Variants in PKNOX2 observed in about 807,000 individuals in gnomAD.
The protein encoded by PKNOX2 is PBX/knotted 1 homeobox 2.
Under a neutral mutation model 53.1 loss-of-function variants are expected in PKNOX2, and 14 were observed. The ratio of observed to expected loss-of-function variants is 0.26; its 90% CI spans 0.17 to 0.41. The LOEUF is 0.41. Ranked by LOEUF, PKNOX2 falls within the 10% of genes least tolerant of loss-of-function variation. PKNOX2 has a pLI of 1.00. For synonymous variants in PKNOX2, 257 were observed against 242.8 expected (o/e 1.06, Z -0.54); for missense variants, 496 against 602.8 (o/e 0.82, Z 1.85).
intron 1 of PKNOX2, among the ~76,000 whole-genome samples, chr11:125,228,030 C>T (rs902647358): frequency 2.0e-5 from 3 of 148,884 alleles, no homozygotes; most frequent in African/African-American, 4.8e-5. Flanking sequence ...CCAGCTCAGC[C>T]GTGTATCAGT....
chr11:125,307,866 C>T (rs1372617996), intron 2 of PKNOX2, among the ~76,000 whole-genome samples: 1 of 152,180 alleles, frequency 6.6e-6, no homozygotes, highest in Non-Finnish European at 1.5e-5. Context: ...CACATCAGCA[C>T]AAATGCAACT....
intron 2 of PKNOX2, among the ~76,000 whole-genome samples, chr11:125,254,761 C>A (rs947865097): frequency 2.6e-5 from 4 of 152,130 alleles, no homozygotes; most frequent in African/African-American, 9.7e-5. Flanking sequence ...CAGAGCTGAG[C>A]CCTGTTCCCA....
At chr11:125,243,568 C>G (rs1313369342) in intron 2 of PKNOX2, among the ~76,000 whole-genome samples, 1 of 152,092 alleles carries the variant, frequency 6.6e-6, no homozygotes, top group Non-Finnish European at 1.5e-5. Context: ...TCCAGGCACC[C>G]AGGTTACCAA....
At chr11:125,382,991 C>T (rs1953355958) in intron 5 of PKNOX2, among the ~76,000 whole-genome samples, 2 of 152,154 alleles carry the variant, frequency 1.3e-5, no homozygotes, top group South Asian at 4.1e-4. Context: ...GCAGTTTAGG[C>T]ATCGGCTTCC....
chr11:125,175,120 C>A (rs1339219239), intron 1 of PKNOX2, among the ~76,000 whole-genome samples: 1 of 152,134 alleles, frequency 6.6e-6, no homozygotes, highest in African/African-American at 2.4e-5. Context: ...CTCCTGCTGA[C>A]TTCTAGATTG....
chr11:125,228,346 T>C (rs1941898728), intron 1 of PKNOX2, among the ~76,000 whole-genome samples: 1 of 152,220 alleles, frequency 6.6e-6, no homozygotes, highest in Admixed American at 6.5e-5. Context: ...TATTGCACCA[T>C]GCAGCTATAG....
chr11:125,227,462 G>A (rs1480778726), intron 1 of PKNOX2, among the ~76,000 whole-genome samples: 2 of 152,170 alleles, frequency 1.3e-5, no homozygotes, highest in Non-Finnish European at 2.9e-5. Flanking sequence ...TTGTACAGGT[G>A]GAACCATACA....
intron 2 of PKNOX2, among the ~76,000 whole-genome samples, chr11:125,247,924 C>T (rs1943682836): frequency 6.6e-6 from 1 of 152,190 alleles, no homozygotes; most frequent in African/African-American, 2.4e-5. Flanking sequence ...CTATCCACCT[C>T]TTCCACAAAG....
chr11:125,224,975 G>C (rs898874507), intron 1 of PKNOX2, among the ~76,000 whole-genome samples: 1 of 152,256 alleles, frequency 6.6e-6, no homozygotes, highest in African/African-American at 2.4e-5. Flanking sequence ...CCCAGGGTCT[G>C]GGTGCTGGGT....
At chr11:125,293,261 T>C (rs1947426704) in intron 2 of PKNOX2, among the ~76,000 whole-genome samples, 1 of 152,200 alleles carries the variant, frequency 6.6e-6, no homozygotes, top group Non-Finnish European at 1.5e-5. Context: ...CTGTACCATA[T>C]GCTTTTAATT....
At chr11:125,218,193 G>A (rs1940744801) in intron 1 of PKNOX2, among the ~76,000 whole-genome samples, 1 of 152,074 alleles carries the variant, frequency 6.6e-6, no homozygotes, top group Non-Finnish European at 1.5e-5. Context: ...ATGAAAGGGG[G>A]GCGCTCCGTT....
intron 2 of PKNOX2, chr11:125,330,526 G>T (rs1198741675): frequency 6.6e-6 from 1 of 152,318 alleles, no homozygotes; most frequent in Non-Finnish European, 1.5e-5. Flanking sequence ...GAGAGCTTTT[G>T]TTAATGGAAA....
At chr11:125,194,763 C>T (rs1189290229) in intron 1 of PKNOX2, among the ~76,000 whole-genome samples, 1 of 152,206 alleles carries the variant, frequency 6.6e-6, no homozygotes, top group Non-Finnish European at 1.5e-5. Flanking sequence ...TCATTCAACG[C>T]ATTTTTAGTG....
chr11:125,415,727 A>G (rs1400079012), intron 10 of PKNOX2, among the ~76,000 whole-genome samples: 1 of 152,196 alleles, frequency 6.6e-6, no homozygotes, highest in African/African-American at 2.4e-5. Flanking sequence ...GCTTTAGGAA[A>G]GAAGAGCGGA....
intron 5 of PKNOX2, among the ~76,000 whole-genome samples, chr11:125,377,848 A>G (rs540858114): frequency 6.6e-4 from 101 of 152,372 alleles, no homozygotes; most frequent in Non-Finnish European, 7.1e-4. Flanking sequence ...GGTCACATTT[A>G]AAGCCGTTCT....
At chr11:125,378,211 C>A (rs1035580525) in intron 5 of PKNOX2, among the ~76,000 whole-genome samples, 1 of 152,218 alleles carries the variant, frequency 6.6e-6, no homozygotes, top group Non-Finnish European at 1.5e-5. Flanking sequence ...CTTTTAGCTA[C>A]TTGACAACCA....
intron 5 of PKNOX2, among the ~76,000 whole-genome samples, chr11:125,378,498 G>C (rs976181327): frequency 6.6e-6 from 1 of 152,232 alleles, no homozygotes; most frequent in African/African-American, 2.4e-5. Context: ...CAGGGGTTCA[G>C]GGATGGGGTG....
intron 4 of PKNOX2, among the ~76,000 whole-genome samples, chr11:125,360,706 A>G (rs1054673303): frequency 3.3e-5 from 5 of 152,182 alleles, no homozygotes; most frequent in Non-Finnish European, 7.3e-5. Context: ...CATGAGAGAA[A>G]CAACAGCAGC....
In PKNOX2 at chr11:125,430,026, C is replaced by G; in HGVS notation, c.1077C>G (p.Ala359=). The change falls in exon 12 of 13, where the codon GCC becomes GCG. Residue 359 remains alanine, a synonymous_variant. Coordinates refer to ENST00000298282, the MANE Select transcript of PKNOX2 (RefSeq NM_001382323.2). ...TTGATGCCAGCAACCCAGATCCTGC[C>G]CCCAAAGCCAAGAAGATCAAGTCTC... The part of the protein sequence containing the change: ...PMLDASNPDP[A]PKAKKIKSQH... 6.2e-7 allele frequency: 1 copy of G among 1,614,190 alleles called. No homozygotes were observed. The highest frequency in any genetic ancestry group is 8.5e-7 in the Non-Finnish European group (1 of 1,180,042).
Sources: allele counts gnomAD v4.1 joint callset (sites outside exome capture counted in the v4.1 genomes callset), GRCh38; gene constraint gnomAD v4.1.1; transcripts MANE v1.5; gene names NCBI Gene and HGNC (gene_info 2026-07-23, HGNC 2026-07-21).